The following CFAP97D2 variants were observed in gnomAD, a reference collection of about 807,000 sequenced individuals.
The protein encoded by CFAP97D2 is uncharacterized protein CFAP97D2.
intron 4 of CFAP97D2, among the ~76,000 whole-genome samples, chr13:114,212,768 C>T (rs2080973474): frequency 6.6e-6 from 1 of 152,172 alleles, no homozygotes; most frequent in Non-Finnish European, 1.5e-5. Flanking sequence ...AGGAGAATCA[C>T]TTGAACCCAG....
At chr13:114,212,690 A>T (rs550257293) in intron 4 of CFAP97D2, among the ~76,000 whole-genome samples, 2 of 152,256 alleles carry the variant, frequency 1.3e-5, no homozygotes, top group African/African-American at 4.8e-5. Flanking sequence ...TCTACTAAAA[A>T]AAATACAAAA....
chr13:114,196,138 G>T (rs1047538855), intron 1 of CFAP97D2, among the ~76,000 whole-genome samples: 1 of 150,834 alleles, frequency 6.6e-6, no homozygotes, highest in African/African-American at 2.4e-5. Context: ...GTCACCAGGT[G>T]TTGGCATTTA....
chr13:114,222,634 G>C (rs2081026350), downstream of CFAP97D2: 1 of 396,980 alleles, frequency 2.5e-6, no homozygotes, highest in Admixed American at 4.4e-5. This position sits in a 1 kb window ranked among gnomAD's most constrained non-coding sequence, Gnocchi z 4.4. Flanking sequence ...GACCCACAAG[G>C]CCAGCCATGA....
intron 1 of CFAP97D2, among the ~76,000 whole-genome samples, chr13:114,182,089 T>A (rs894219422): frequency 6.6e-6 from 1 of 151,798 alleles, no homozygotes; most frequent in Non-Finnish European, 1.5e-5. Flanking sequence ...CCTCAGTTTT[T>A]ATTGATTATT....
chr13:114,202,747 T>G (rs7987202), intron 3 of CFAP97D2, among the ~76,000 whole-genome samples: 53,624 of 151,894 alleles, frequency 0.35, 10,254 homozygotes, highest in East Asian at 0.51. Context: ...GTTCTGCCCA[T>G]TTCCTGTTTG....
chr13:114,206,602 G>A (rs570488554), intron 3 of CFAP97D2, among the ~76,000 whole-genome samples: 2 of 152,318 alleles, frequency 1.3e-5, no homozygotes, highest in South Asian at 2.1e-4. Flanking sequence ...ACGATTCCAC[G>A]TATATGAAAC....
chr13:114,182,434 TC>T (rs2080838292), intron 1 of CFAP97D2, among the ~76,000 whole-genome samples: 1 of 151,950 alleles, frequency 6.6e-6, no homozygotes, highest in Non-Finnish European at 1.5e-5. Flanking sequence ...CCTTCCTCTA[TC>T]TCAACTGCAA....
chr13:114,200,677 G>C (rs947023481), intron 3 of CFAP97D2, among the ~76,000 whole-genome samples: 2 of 152,166 alleles, frequency 1.3e-5, no homozygotes, highest in African/African-American at 4.8e-5. Context: ...ACAGTTAGCG[G>C]CTGTGAGCTG....
intron 1 of CFAP97D2, among the ~76,000 whole-genome samples, chr13:114,193,042 A>G (rs751703968): frequency 1.3e-5 from 2 of 152,262 alleles, no homozygotes; most frequent in African/African-American, 2.4e-5. Flanking sequence ...TGTTCCTTCT[A>G]TGGTAATAGA....
intron 1 of CFAP97D2, among the ~76,000 whole-genome samples, chr13:114,190,751 T>C (rs2080866558): frequency 1.3e-5 from 2 of 152,234 alleles, no homozygotes; most frequent in Non-Finnish European, 2.9e-5. Context: ...TCCCAGCAAG[T>C]TGTTTTGTTG....
chr13:114,197,385 G>T (rs1251831502), intron 2 of CFAP97D2, among the ~76,000 whole-genome samples: 3 of 152,158 alleles, frequency 2.0e-5, no homozygotes, highest in African/African-American at 7.2e-5. Context: ...GGTCAGTTGT[G>T]CCTAAATTCC....
intron 1 of CFAP97D2, among the ~76,000 whole-genome samples, chr13:114,182,468 C>A (rs541292241): frequency 6.6e-6 from 1 of 151,824 alleles, no homozygotes; most frequent in Admixed American, 6.6e-5. Context: ...TTTTACTAAT[C>A]CACCTCAGCA....
intron 3 of CFAP97D2, among the ~76,000 whole-genome samples, chr13:114,209,434 C>A (rs1402048265): frequency 2.0e-5 from 3 of 152,234 alleles, no homozygotes; most frequent in Admixed American, 6.5e-5. Flanking sequence ...GTCTCAAGTA[C>A]AACACCTTTC....
chr13:114,216,390 A>G (rs1301794775), intron 4 of CFAP97D2, among the ~76,000 whole-genome samples: 1 of 152,094 alleles, frequency 6.6e-6, no homozygotes. Context: ...TGCCTCACCC[A>G]CTAACTTGTC....
chr13:114,189,614 A>G lies in CFAP97D2; in HGVS notation c.91-6782A>G, dbSNP rs150714064. ...ATTCGATTAAAAGTGTATAAAAAGT[A>G]TTATATGCCATGACCAAGTGGGATT... On this transcript the variant is annotated intron_variant, in intron 1 of 4. Transcript: ENST00000646158. This position sits in a 1 kb window ranked among gnomAD's most constrained non-coding sequence, Gnocchi z 4.5. 2.6e-5 allele frequency among the ~76,000 whole-genome samples: 4 copies of G among 152,354 alleles called. No individual in the cohort carries two copies. Among genetic ancestry groups the G allele is most frequent in the East Asian group, 1.9e-4 (1 of 5,196 alleles).
intron 3 of CFAP97D2, among the ~76,000 whole-genome samples, chr13:114,204,534 T>A (rs1188240266): frequency 6.6e-6 from 1 of 152,134 alleles, no homozygotes; most frequent in Non-Finnish European, 1.5e-5. Context: ...AGTCCATGTG[T>A]CTATAATCAA....
In CFAP97D2 at chr13:114,212,744, C is replaced by T. The variant is rs536018323; in HGVS notation, c.480+643C>T. 4.6e-5 allele frequency among the ~76,000 whole-genome samples: 7 copies of T among 152,128 alleles called. No individual in the cohort carries two copies. In the East Asian group the frequency reaches 1.2e-3, roughly 25 times the overall value. On this transcript the variant is annotated intron_variant, in intron 4 of 4. Transcript: ENST00000646158. Reference sequence around the variant, plus strand: ...GCACAAAATTGCAATCCCAGCTACTCGGGAGGCTGAGGCAGGAGAATCACT... The same window carrying T: ...GCACAAAATTGCAATCCCAGCTACTTGGGAGGCTGAGGCAGGAGAATCACT...
chr13:114,210,107 A>G (rs2080960356), intron 3 of CFAP97D2, among the ~76,000 whole-genome samples: 1 of 152,166 alleles, frequency 6.6e-6, no homozygotes, highest in South Asian at 2.1e-4. Flanking sequence ...TATTTTCTGC[A>G]TTTCCAAATA....
intron 4 of CFAP97D2, among the ~76,000 whole-genome samples, chr13:114,217,822 A>G (rs1183561523): frequency 6.6e-6 from 1 of 152,252 alleles, no homozygotes; most frequent in Non-Finnish European, 1.5e-5. Flanking sequence ...ACAAAATTCA[A>G]CAGCCCTTCA....
Sources: allele counts gnomAD v4.1 joint callset (sites outside exome capture counted in the v4.1 genomes callset), GRCh38; gene constraint gnomAD v4.1.1; non-coding constraint Gnocchi (gnomAD v3.1); transcripts MANE v1.5; gene names NCBI Gene and HGNC (gene_info 2026-07-23, HGNC 2026-07-21).